The following EML1 variants were observed in gnomAD, a reference collection of about 807,000 sequenced individuals.
EML1 encodes EMAP like 1, also known as echinoderm microtubule-associated protein-like 1.
EML1 carries 27 observed loss-of-function variants against 110.4 expected under a neutral mutation model. The observed-to-expected ratio is 0.24, with a 90% CI of 0.18 to 0.34. EML1 has a LOEUF of 0.34. Ranked by LOEUF, EML1 falls within the 10% of genes least tolerant of loss-of-function variation. EML1 has a pLI of 1.00. For synonymous variants in EML1, 344 were observed against 385.8 expected (o/e 0.89, Z 1.27); for missense variants, 741 against 1,030.9 (o/e 0.72, Z 3.85).
At chr14:99,854,188 T>G (rs954614539) in intron 2 of EML1, among the ~76,000 whole-genome samples, 1 of 152,050 alleles carries the variant, frequency 6.6e-6, no homozygotes, top group African/African-American at 2.4e-5. Context: ...CCGTAGCCGC[T>G]AGCTAGTTTT....
rs931190557 is a variant in EML1, at chr14:99,781,528, C to T, written c.-27+7515C>T. 6.6e-6 allele frequency among the ~76,000 whole-genome samples: 1 copy of T among 152,216 alleles called. No homozygotes were observed. The highest frequency in any genetic ancestry group is 2.4e-5 in the African/African-American group (1 of 41,454). ...TGGGAGGATGGCTGCCAGCCCAACC[C>T]AGGCTCACACCACCTCACCTGGAAC... On this transcript the variant is annotated intron_variant, in intron 1 of 22. Coordinates refer to the EML1 transcript ENST00000327921. This position sits in a 1 kb window ranked among gnomAD's most constrained non-coding sequence, Gnocchi z 4.2.
intron 1 of EML1, among the ~76,000 whole-genome samples, chr14:99,803,933 T>C (rs1193456340): frequency 6.6e-6 from 1 of 152,228 alleles, no homozygotes; most frequent in Non-Finnish European, 1.5e-5. Context: ...TGATGATGCT[T>C]TATCTACTAT....
chr14:99,909,762 C>T (rs2059915423), intron 11 of EML1, among the ~76,000 whole-genome samples: 2 of 152,170 alleles, frequency 1.3e-5, no homozygotes, highest in African/African-American at 4.8e-5. Context: ...GGGAGGCAGG[C>T]AACCTGCCTT....
chr14:99,935,479 A>AT (rs1338578805), intron 17 of EML1, among the ~76,000 whole-genome samples: 1 of 151,622 alleles, frequency 6.6e-6, no homozygotes, highest in African/African-American at 2.4e-5. Context: ...GAAAAAAAAA[A>AT]AGAGTTCATA....
chr14:99,917,694 T>G, intron 15 of EML1, 88 bp from the exon 16 acceptor site: 2 of 1,152,972 alleles, frequency 1.7e-6, no homozygotes, highest in Non-Finnish European at 1.3e-6. Context: ...AGTGTGAGCG[T>G]TTGTGTGTGC....
In EML1 at chr14:99,780,035, G is replaced by C. The variant is rs554416231; in HGVS notation, c.-27+6022G>C. On this transcript the variant is annotated intron_variant, in intron 1 of 22. Transcript: ENST00000327921. ...AGAGTGCCAGCATGGTTGGTTCCTG[G>C]TGAGGGCTCTCTTCCTGGCTTGCAG... Among the ~76,000 whole-genome samples, 16 of 152,192 alleles carry C rather than the reference G, an allele frequency of 1.1e-4. 1 individual carries two copies. In the South Asian group the frequency reaches 3.1e-3, roughly 30 times the overall value.
At chr14:99,758,962 C>A (rs996552323) in intron 1 of EML1, among the ~76,000 whole-genome samples, 3 of 152,230 alleles carry the variant, frequency 2.0e-5, no homozygotes, top group African/African-American at 7.2e-5. Context: ...GAGGGGCTGT[C>A]AGGGTCAGAG....
intron 1 of EML1, among the ~76,000 whole-genome samples, chr14:99,738,836 G>A (rs1287944022): frequency 6.6e-6 from 1 of 152,186 alleles, no homozygotes; most frequent in African/African-American, 2.4e-5. Flanking sequence ...AGCCAGGTCT[G>A]GCCTCCTCCA....
chr14:99,771,492 T>G (rs1352860520), upstream of EML1, among the ~76,000 whole-genome samples: 1 of 152,230 alleles, frequency 6.6e-6, no homozygotes, highest in Non-Finnish European at 1.5e-5. Context: ...ACATGTGGAT[T>G]GTTTCCATTT....
intron 19 of EML1, 56 bp from the exon 20 acceptor site, chr14:99,937,761 T>G: frequency 6.5e-7 from 1 of 1,527,418 alleles, no homozygotes; most frequent in South Asian, 1.1e-5. Context: ...TCAGCCTTGC[T>G]TAGGGGAGGG....
intron 1 of EML1, among the ~76,000 whole-genome samples, chr14:99,818,495 A>C (rs1468628969): frequency 6.6e-6 from 1 of 152,230 alleles, no homozygotes; most frequent in African/African-American, 2.4e-5. Flanking sequence ...AGATTTGTAG[A>C]TTGATGGCTG....
At position 99,909,481 on chromosome 14, in the gene EML1, T is replaced by C. The variant is rs1566932322; in HGVS notation, c.1239+2T>C. ...AATAAGAAGCAAGGATTATTCGAGG[T>C]AAAGTTAAATTATGATTTTTGCTTT... On this transcript the variant is annotated splice_donor_variant, in intron 11 of 21. Coordinates refer to ENST00000262233, the MANE Select transcript of EML1 (RefSeq NM_004434.3). LOFTEE classifies it high-confidence loss of function. The C allele has an allele frequency of 6.2e-7, 1 of 1,614,106 alleles. No individual in the cohort carries two copies.
At chr14:99,878,040 T>A (rs552902574) in intron 3 of EML1, among the ~76,000 whole-genome samples, 14 of 152,248 alleles carry the variant, frequency 9.2e-5, no homozygotes, top group African/African-American at 3.4e-4. Flanking sequence ...CTTAATACTC[T>A]ATTTTCTTTG....
At chr14:99,792,529 T>A (rs2057687453), upstream of EML1, among the ~76,000 whole-genome samples, 1 of 152,176 alleles carries the variant, frequency 6.6e-6, no homozygotes, top group Non-Finnish European at 1.5e-5. Flanking sequence ...AACTCATAGA[T>A]CTATGTGTTT....
chr14:99,901,779 G>A (rs2059768118), intron 9 of EML1, among the ~76,000 whole-genome samples: 1 of 152,156 alleles, frequency 6.6e-6, no homozygotes, highest in Non-Finnish European at 1.5e-5. Flanking sequence ...GGTTATATCA[G>A]CAAGGTTTTT....
rs749023348 is a variant in EML1, at chr14:99,910,230, T to C, written c.1240-12T>C. ...TTAAATATATATATAATTTTTTTAC[T>C]ACATTCTACAGAAACAAGAAAAGCC... On this transcript the variant is annotated splice_polypyrimidine_tract_variant and intron_variant, in intron 11 of 21. Coordinates refer to ENST00000262233, the MANE Select transcript of EML1 (RefSeq NM_004434.3). 1.9e-6 allele frequency: 3 copies of C among 1,576,704 alleles called. No homozygotes were observed. The highest frequency in any genetic ancestry group is 2.6e-6 in the Non-Finnish European group (3 of 1,159,578).
At chr14:99,777,386 T>G (rs1455883886) in intron 1 of EML1, among the ~76,000 whole-genome samples, 1 of 152,176 alleles carries the variant, frequency 6.6e-6, no homozygotes, top group Non-Finnish European at 1.5e-5. Context: ...CCCTTGCCTT[T>G]TGGTATGTCT....
At chr14:99,789,022 C>T (rs1345372085), upstream of EML1, among the ~76,000 whole-genome samples, 1 of 151,986 alleles carries the variant, frequency 6.6e-6, no homozygotes, top group Non-Finnish European at 1.5e-5. Flanking sequence ...AAGATTCCAC[C>T]CTATGGATGG....
At chr14:99,871,092 G>A (rs189530479) in intron 3 of EML1, among the ~76,000 whole-genome samples, 29 of 152,110 alleles carry the variant, frequency 1.9e-4, no homozygotes, top group African/African-American at 6.3e-4. Flanking sequence ...AAGTAGCTGG[G>A]ATTACAGGCG....
Sources: gnomAD v4.1 joint callset for allele counts (sites outside exome capture counted in the v4.1 genomes callset) on GRCh38, gnomAD v4.1.1 for gene constraint, Gnocchi (gnomAD v3.1) non-coding constraint, MANE v1.5 for transcripts, NCBI Gene and HGNC (gene_info 2026-07-23, HGNC 2026-07-21) for gene names.